ETV6: variants seen among roughly 807,000 people sequenced by gnomAD.
ETV6 encodes transcription factor ETV6.
A neutral mutation model predicts 51.1 loss-of-function variants in ETV6; 16 were observed. The observed-to-expected ratio is 0.31, with a 90% CI of 0.21 to 0.48. ETV6 has a LOEUF of 0.48. ETV6 is among the 20% of genes least tolerant of loss of function. ETV6 has a pLI of 0.99. For synonymous variants in ETV6, 240 were observed against 224.1 expected, an observed-to-expected ratio of 1.07 and a Z score of -0.64; for missense variants, 458 against 594.8, an observed-to-expected ratio of 0.77 and a Z score of 2.39.
chr12:11,776,169 T>G (rs1945321393), intron 2 of ETV6, among the ~76,000 whole-genome samples: 1 of 152,178 alleles, frequency 6.6e-6, no homozygotes, highest in African/African-American at 2.4e-5. Context: ...GTGATAGAAT[T>G]GATTCTTTAC....
Position 11,836,113 on chromosome 12 carries a change from C to T in ETV6, c.164-3027C>T, listed in dbSNP as rs557600675. ...ATTAGAATTGCCTCCAGGTGCAAGGCTCTATCCCATTTAGACACGCTAACA... is the reference window on the plus strand; with the variant it reads ...ATTAGAATTGCCTCCAGGTGCAAGGTTCTATCCCATTTAGACACGCTAACA... On this transcript the variant is annotated intron_variant, in intron 2 of 7. Coordinates refer to ENST00000396373, the MANE Select transcript of ETV6 (RefSeq NM_001987.5). Among the ~76,000 whole-genome samples, 35 of 152,346 alleles carry T rather than the reference C, an allele frequency of 2.3e-4. No homozygotes were observed. The South Asian group carries it at 6.6e-3, about 29-fold the overall frequency.
At chr12:11,663,716 C>G (rs555166239) in intron 1 of ETV6, among the ~76,000 whole-genome samples, 1 of 151,934 alleles carries the variant, frequency 6.6e-6, no homozygotes, top group South Asian at 2.1e-4. Context: ...ACATATTGTA[C>G]ATTTGAGATA....
At chr12:11,890,910 T>C (rs542090478) in intron 7 of ETV6, 31 bp from the exon 8 acceptor site, 4 of 1,549,310 alleles carry the variant, frequency 2.6e-6, no homozygotes, top group East Asian at 2.2e-5. Context: ...GAAAATGGAA[T>C]CTCTTACCTC....
chr12:11,880,626 T>C (rs1281901212), intron 5 of ETV6, among the ~76,000 whole-genome samples: 1 of 152,220 alleles, frequency 6.6e-6, no homozygotes, highest in Non-Finnish European at 1.5e-5. Flanking sequence ...GTTAGAGAAC[T>C]GTCCGCTTTC....
At chr12:11,762,876 A>T (rs1945109557) in intron 2 of ETV6, among the ~76,000 whole-genome samples, 1 of 152,166 alleles carries the variant, frequency 6.6e-6, no homozygotes. Context: ...TTTTCTCCTT[A>T]AGTAGCTCTT....
chr12:11,757,843 C>T lies in ETV6; in HGVS notation c.163+5264C>T, dbSNP rs527638600. Among the ~76,000 whole-genome samples the T allele has an allele frequency of 9.1e-4, 138 of 152,296 alleles. 1 individual carries two copies. Among genetic ancestry groups the T allele is most frequent in the East Asian group, 1.5e-3 (8 of 5,186 alleles). On this transcript the variant is annotated intron_variant, in intron 2 of 7. Coordinates refer to ENST00000396373, the MANE Select transcript of ETV6 (RefSeq NM_001987.5). The stretch of plus-strand genomic sequence containing the variant: ...ATCCTCAGCAGACTGGCTTCTCCCT[C>T]GTAGTAGGATGAGGGAGAGGAATCA...
intron 1 of ETV6, among the ~76,000 whole-genome samples, chr12:11,685,606 G>T (rs1466312353): frequency 6.6e-6 from 1 of 151,986 alleles, no homozygotes; most frequent in Admixed American, 6.5e-5. Context: ...ACACACACAC[G>T]TGTGTGTGTA....
At chr12:11,748,469 TTTAG>T (rs1296002118) in intron 1 of ETV6, among the ~76,000 whole-genome samples, 1 of 152,232 alleles carries the variant, frequency 6.6e-6, no homozygotes, top group African/African-American at 2.4e-5. Context: ...AATGTTAATA[TTTAG>T]TTAGCAGTAG....
chr12:11,832,784 A>C (rs1433528874), intron 2 of ETV6, among the ~76,000 whole-genome samples: 11 of 152,254 alleles, frequency 7.2e-5, no homozygotes, highest in Admixed American at 1.3e-4. Context: ...GAAAATGTCC[A>C]AAAACCAGAG....
intron 1 of ETV6, among the ~76,000 whole-genome samples, chr12:11,717,527 T>C (rs779336235): frequency 6.6e-6 from 1 of 152,212 alleles, no homozygotes; most frequent in Non-Finnish European, 1.5e-5. Flanking sequence ...CTATGGGGCA[T>C]GTATACATGT....
At chr12:11,702,355 C>T (rs1429818793) in intron 1 of ETV6, among the ~76,000 whole-genome samples, 1 of 152,082 alleles carries the variant, frequency 6.6e-6, no homozygotes, top group Non-Finnish European at 1.5e-5. Flanking sequence ...AACATTTCTC[C>T]GATCTTATTA....
chr12:11,884,370 C>G (rs2136594676), intron 5 of ETV6, 75 bp from the exon 6 acceptor site: 1 of 1,542,420 alleles, frequency 6.5e-7, no homozygotes, highest in South Asian at 1.1e-5. Flanking sequence ...TTGCTGGATT[C>G]TTTTTTGATT....
chr12:11,779,152 G>A (rs578246864), intron 2 of ETV6, among the ~76,000 whole-genome samples: 10 of 152,314 alleles, frequency 6.6e-5, no homozygotes, highest in Non-Finnish European at 1.2e-4. Context: ...GGATGCACAC[G>A]TGCGTCTCTG....
chr12:11,667,696 A>ATTTTTT (rs34458275), intron 1 of ETV6, among the ~76,000 whole-genome samples: 10 of 72,994 alleles, frequency 1.4e-4, no homozygotes, highest in East Asian at 4.5e-4. Context: ...TACCTGGCTA[A>ATTTTTT]TTTTTTTTTT....
chr12:11,650,504 A>AAAAAAAAAAAAAAAAAAAC lies in ETV6; in HGVS notation c.33+355_33+356insAAAAAAACAAAAAAAAAAA, dbSNP rs1555109540. Among the ~76,000 whole-genome samples the AAAAAAAAAAAAAAAAAAAC allele has an allele frequency of 8.5e-5, 8 of 94,230 alleles. 1 individual carries two copies. The highest frequency in any genetic ancestry group is 1.4e-4 in the Admixed American group (1 of 7,296). The allele number at this position is 94,230 out of a possible 152,430, so 61.8% of individuals were successfully genotyped here. ...CTTAAAAAAAAAAAAAACAAAAAAC[A>AAAAAAAAAAAAAAAAAAAC]AAAAAAAAAAACCTGCTCCCTATTC... On this transcript the variant is annotated intron_variant, in intron 1 of 7. Coordinates refer to ENST00000396373, the MANE Select transcript of ETV6 (RefSeq NM_001987.5).
chr12:11,886,085 C>T (rs1024608289), intron 7 of ETV6, 59 bp downstream of exon 7: 19 of 1,254,626 alleles, frequency 1.5e-5, no homozygotes, highest in South Asian at 1.1e-4. Context: ...CTTTAAATAA[C>T]GGGGAGTGGG....
intron 1 of ETV6, among the ~76,000 whole-genome samples, chr12:11,744,897 A>G (rs1865878721): frequency 6.8e-6 from 1 of 147,334 alleles, no homozygotes; most frequent in Non-Finnish European, 1.5e-5. Context: ...AGAAATATCT[A>G]AGGAAATTCA....
At position 11,846,817 on chromosome 12, in the gene ETV6, ATGTT is replaced by A. The variant is rs569300448; in HGVS notation, c.329-6603_329-6600del. On this transcript the variant is annotated intron_variant, in intron 3 of 7. Coordinates refer to ENST00000396373, the MANE Select transcript of ETV6 (RefSeq NM_001987.5). ...CTGCAGGTCATGTTCAGGATTTTAC[ATGTT>A]TGTTTGAAGACAAGTAGAAGCCATT... 2.4e-4 allele frequency among the ~76,000 whole-genome samples: 37 copies of A among 152,296 alleles called. No homozygotes were observed. The South Asian group carries it at 6.8e-3, about 28-fold the overall frequency.
At chr12:11,731,375 G>C (rs952555609) in intron 1 of ETV6, among the ~76,000 whole-genome samples, 2 of 152,100 alleles carry the variant, frequency 1.3e-5, no homozygotes, top group Non-Finnish European at 2.9e-5. Flanking sequence ...GGTTTTCTAC[G>C]TACTCAAAAT....
Sources: gnomAD v4.1 joint callset for allele counts (sites outside exome capture counted in the v4.1 genomes callset) on GRCh38, gnomAD v4.1.1 for gene constraint, MANE v1.5 for transcripts, NCBI Gene and HGNC (gene_info 2026-07-23, HGNC 2026-07-21) for gene names.